FAT3: variants seen among roughly 807,000 people sequenced by gnomAD.
FAT3 encodes FAT atypical cadherin 3.
In FAT3, 95 loss-of-function variants were observed where a neutral mutation model predicts 310.2. The ratio of observed to expected loss-of-function variants is 0.31; its 90% CI spans 0.26 to 0.36. The LOEUF (loss-of-function observed/expected upper bound fraction) is 0.36. Among genes scored for constraint, FAT3 ranks in the 10% least tolerant of loss-of-function variants. The pLI is 1.00. For synonymous variants in FAT3, 2,314 were observed against 2,192.9 expected, an observed-to-expected ratio of 1.06 and a Z score of -1.54; for missense variants, 5,408 against 5,715.6, an observed-to-expected ratio of 0.95 and a Z score of 1.74.
chr11:92,486,799 T>C (rs1220072720), intron 2 of FAT3, among the ~76,000 whole-genome samples: 1 of 152,204 alleles, frequency 6.6e-6, no homozygotes, highest in Non-Finnish European at 1.5e-5. Context: ...CTCTGATCCT[T>C]ACCTTTCTGG....
intron 2 of FAT3, among the ~76,000 whole-genome samples, chr11:92,374,416 C>T (rs1949284611): frequency 1.3e-5 from 2 of 152,224 alleles, no homozygotes; most frequent in South Asian, 4.1e-4. Context: ...TGGTGGGTTC[C>T]AAGAAGGCCT....
intron 3 of FAT3, among the ~76,000 whole-genome samples, chr11:92,696,339 G>A (rs961329089): frequency 2.0e-5 from 3 of 152,074 alleles, no homozygotes; most frequent in East Asian, 1.9e-4. Context: ...TCTGAAGGCC[G>A]TGGGGAGCCA....
Position 92,801,533 on chromosome 11 carries a change from T to C in FAT3, c.8520T>C (p.Asp2840=). 6.2e-7 allele frequency: 1 copy of C among 1,609,176 alleles called. No homozygotes were observed. Among genetic ancestry groups the C allele is most frequent in the Non-Finnish European group, 8.5e-7 (1 of 1,177,572 alleles). Reference sequence around the variant, plus strand: ...AACTCACACAAGTGAGAGCTATTGATATGGACTGGGGAGCCAATGGACAAG... The same window carrying C: ...AACTCACACAAGTGAGAGCTATTGACATGGACTGGGGAGCCAATGGACAAG... ...GTKLTQVRAI[D]MDWGANGQVT... is the part of the protein sequence containing the mutation. The change falls in exon 10 of 28, where the codon GAT becomes GAC. Residue 2840 remains aspartate, a synonymous_variant. Transcript: ENST00000525166.
chr11:92,408,304 G>A (rs1950178184), intron 2 of FAT3: 1 of 152,212 alleles, frequency 6.6e-6, no homozygotes, highest in Admixed American at 6.6e-5. Flanking sequence ...TCCAAATGTA[G>A]CCACAAAGTG....
chr11:92,463,854 G>C lies in FAT3; in HGVS notation c.3293-60780G>C, dbSNP rs187726259. The stretch of plus-strand genomic sequence containing the variant: ...AGTTCTCCGACCCCTTTCTGTCGGT[G>C]TGACATTGGATGTTTTACCTATTTT... On this transcript the variant is annotated intron_variant, in intron 2 of 27. Transcript: ENST00000525166. 1.1e-4 allele frequency among the ~76,000 whole-genome samples: 17 copies of C among 152,290 alleles called. No homozygotes were observed. In the East Asian group the frequency reaches 3.1e-3, roughly 28 times the overall value.
At chr11:92,706,466 A>G (rs1230012537) in intron 4 of FAT3, among the ~76,000 whole-genome samples, 3 of 152,026 alleles carry the variant, frequency 2.0e-5, no homozygotes, top group Non-Finnish European at 4.4e-5. Context: ...TCTCCTAAAA[A>G]GGCACTGCCA....
At chr11:92,425,341 G>T (rs1950608750) in intron 2 of FAT3, among the ~76,000 whole-genome samples, 1 of 151,990 alleles carries the variant, frequency 6.6e-6, no homozygotes, top group South Asian at 2.1e-4. Context: ...CTTCACGGAA[G>T]GCTGAGCTAC....
intron 9 of FAT3, 145 bp from the exon 10 acceptor site, chr11:92,797,691 A>G (rs545974876): frequency 1.4e-6 from 1 of 699,488 alleles, no homozygotes; most frequent in Non-Finnish European, 2.3e-6. Context: ...GAAGCCTCTC[A>G]TTTTATTTCA....
At chr11:92,834,548 G>T (rs964474591) in intron 14 of FAT3, among the ~76,000 whole-genome samples, 6 of 152,320 alleles carry the variant, frequency 3.9e-5, no homozygotes, top group African/African-American at 1.4e-4. Flanking sequence ...TATCAGGGAT[G>T]CTTGTTTCTG....
chr11:92,342,266 T>A (rs183222096), intron 1 of FAT3, among the ~76,000 whole-genome samples: 6 of 152,152 alleles, frequency 3.9e-5, no homozygotes, highest in African/African-American at 1.4e-4. Context: ...ACCTCAATGA[T>A]GTATGGCAGC....
In FAT3 at chr11:92,890,581, C is replaced by G. The variant is rs1949894299; in HGVS notation, c.13238C>G (p.Ser4413Cys). 6.2e-7 allele frequency: 1 copy of G among 1,613,390 alleles called. No individual in the cohort carries two copies. The highest frequency in any genetic ancestry group is 8.5e-7 in the Non-Finnish European group (1 of 1,179,786). The part of the protein sequence containing the change: ...VPNYENQDGG[S>C]AHQGSTRELE... Reference sequence around the variant, plus strand: ...AACTATGAGAACCAGGATGGAGGGTCTGCACACCAGGGGAGCACACGGGAG... The same window carrying G: ...AACTATGAGAACCAGGATGGAGGGTGTGCACACCAGGGGAGCACACGGGAG... The change falls in exon 28 of 28, where the codon TCT (serine) becomes TGT (cysteine). Residue 4413 changes from serine (S) to cysteine (C), a missense_variant. Ser to Cys is a moderately radical substitution (Grantham distance 112, BLOSUM62 -1). Around this residue, in one of 5 missense-constraint regions of FAT3, gnomAD observed 649 missense variants for 666.2 expected, o/e 0.97. Transcript: ENST00000525166.
intron 1 of FAT3, among the ~76,000 whole-genome samples, chr11:92,308,655 C>T (rs1591085070): frequency 6.6e-6 from 1 of 152,222 alleles, no homozygotes; most frequent in Admixed American, 6.5e-5. Flanking sequence ...CAGAAAACCT[C>T]ATGTGTGGAA....
At chr11:92,387,185 A>G (rs1349270173) in intron 2 of FAT3, among the ~76,000 whole-genome samples, 1 of 152,110 alleles carries the variant, frequency 6.6e-6, no homozygotes, top group Middle Eastern at 3.4e-3. Context: ...ATAGAGAAAT[A>G]GGTATTATTC....
At chr11:92,574,561 G>T (rs693730) in intron 3 of FAT3, among the ~76,000 whole-genome samples, 112,712 of 151,934 alleles carry the variant, frequency 0.74, 44,069 homozygotes, top group Non-Finnish European at 0.88. Flanking sequence ...CCCCATAACA[G>T]GGGGAGGAAG....
chr11:92,242,568 GATAA>G (rs1864711364), intron 1 of FAT3, among the ~76,000 whole-genome samples: 1 of 151,890 alleles, frequency 6.6e-6, no homozygotes, highest in African/African-American at 2.4e-5. Flanking sequence ...AGGTCAAGGA[GATAA>G]ATAAATCACT....
At chr11:92,770,906 G>A (rs563785377) in intron 6 of FAT3, among the ~76,000 whole-genome samples, 16 of 152,212 alleles carry the variant, frequency 1.1e-4, no homozygotes, top group African/African-American at 3.6e-4. Context: ...TCCTACTTGG[G>A]ATGTTTAACT....
chr11:92,721,458 C>T (rs941998092), intron 4 of FAT3, among the ~76,000 whole-genome samples: 2 of 152,094 alleles, frequency 1.3e-5, no homozygotes, highest in Non-Finnish European at 1.5e-5. Context: ...ACAGCTCTGT[C>T]CTGGTGAAGG....
intron 2 of FAT3, among the ~76,000 whole-genome samples, chr11:92,513,243 A>G (rs1311918133): frequency 3.3e-5 from 5 of 151,774 alleles, no homozygotes; most frequent in Admixed American, 3.3e-4. Flanking sequence ...AGATATGACT[A>G]TAGGAGTGAG....
intron 4 of FAT3, among the ~76,000 whole-genome samples, chr11:92,706,234 C>T (rs1944348875): frequency 6.6e-6 from 1 of 152,044 alleles, no homozygotes; most frequent in South Asian, 2.1e-4. Flanking sequence ...GTATAAATTG[C>T]AGATGTACCA....
Sources: allele counts gnomAD v4.1 joint callset (sites outside exome capture counted in the v4.1 genomes callset), GRCh38; gene constraint gnomAD v4.1.1; regional missense constraint gnomAD v4.1.1; transcripts MANE v1.5; gene names NCBI Gene and HGNC (gene_info 2026-07-23, HGNC 2026-07-21).